Variants in PKP4 observed in about 807,000 individuals in gnomAD.
The protein encoded by PKP4 is plakophilin-4.
A neutral mutation model predicts 145.1 loss-of-function variants in PKP4; 90 were observed. That is an observed-to-expected ratio of 0.62 (90% CI 0.52 to 0.74). PKP4 has a LOEUF of 0.74. PKP4 is among the 30% of genes least tolerant of loss of function. The pLI, the probability that PKP4 is intolerant of heterozygous loss-of-function variation, is 0.00. For missense variants in PKP4, 1,340 were observed against 1,482.7 expected (o/e 0.90, Z 1.58); for synonymous variants, 563 against 577.2 (o/e 0.98, Z 0.35).
chr2:158,666,487 T>C lies in PKP4; in HGVS notation c.2652T>C (p.Asp884=). Residue 884 remains aspartate, a synonymous_variant, in exon 16 of 22, where the codon GAT becomes GAC. Transcript: ENST00000389759. ...TCCTTGTGGAGCTTCTGAGAATGGA[T>C]AACGATAGAGTTGTTTCTTCCGTGG... ...LPILVELLRM[D]NDRVVSSVAT... is the part of the protein sequence containing the mutation. The C allele has an allele frequency of 6.2e-7, 1 of 1,613,622 alleles. No homozygotes were observed. Among genetic ancestry groups the C allele is most frequent in the Non-Finnish European group, 8.5e-7 (1 of 1,179,796 alleles).
At position 158,561,991 on chromosome 2, in the gene PKP4, A is replaced by G. The variant is rs560308705; in HGVS notation, c.133-15280A>G. Among the ~76,000 whole-genome samples the G allele has an allele frequency of 5.1e-4, 68 of 134,380 alleles. 1 individual carries two copies. In the East Asian group the frequency reaches 0.013, roughly 25 times the overall value. 88.2% of individuals were successfully genotyped at this position (134,380 alleles called of 152,430 possible). On this transcript the variant is annotated intron_variant, in intron 2 of 21. Coordinates refer to ENST00000389759, the MANE Select transcript of PKP4 (RefSeq NM_003628.6). ...CCCCGCCCTGTGTCCAAGTGTTCTC[A>G]TAATCAAGTCAGTCGTTTAAATTAC... is the stretch of plus-strand genomic sequence containing the variant.
chr2:158,528,770 T>G (rs1044779074), intron 1 of PKP4, among the ~76,000 whole-genome samples: 4 of 148,472 alleles, frequency 2.7e-5, no homozygotes, highest in Admixed American at 6.7e-5. Flanking sequence ...CATGTAAGAG[T>G]TGGTCACAGG....
chr2:158,596,000 A>T (rs1262559720), intron 3 of PKP4, among the ~76,000 whole-genome samples: 1 of 148,986 alleles, frequency 6.7e-6, no homozygotes, highest in African/African-American at 2.5e-5. Context: ...TCATTGCCAA[A>T]AAATAAAATC....
chr2:158,480,849 A>G (rs6727267), intron 1 of PKP4, among the ~76,000 whole-genome samples: 9,983 of 151,866 alleles, frequency 0.066, 713 homozygotes, highest in African/African-American at 0.17. Flanking sequence ...TAAACCCCAT[A>G]CTCATTAAGC....
At chr2:158,545,408 A>C (rs1398819537) in intron 2 of PKP4, among the ~76,000 whole-genome samples, 1 of 152,198 alleles carries the variant, frequency 6.6e-6, no homozygotes. Context: ...CTGTTCTTTT[A>C]AGTCATAAAC....
At chr2:158,597,444 C>A (rs1441205121) in intron 3 of PKP4, among the ~76,000 whole-genome samples, 1 of 152,122 alleles carries the variant, frequency 6.6e-6, no homozygotes, top group African/African-American at 2.4e-5. Flanking sequence ...CTGCAGTCTG[C>A]TAGTAGAACA....
Position 158,597,184 on chromosome 2 carries a change from ATTTG to A in PKP4, c.246-5883_246-5880del, listed in dbSNP as rs2049830909. On this transcript the variant is annotated intron_variant, in intron 3 of 21. Coordinates refer to ENST00000389759, the MANE Select transcript of PKP4 (RefSeq NM_003628.6). ...GGTGCTCAATAAATGATCAACAGAT[ATTTG>A]TTGAATGAATCCATACGATATATGC... 2.6e-5 allele frequency among the ~76,000 whole-genome samples: 4 copies of A among 152,198 alleles called. No homozygotes were observed. In the South Asian group the frequency reaches 8.3e-4, roughly 31 times the overall value.
At chr2:158,522,019 T>C (rs1456047520) in intron 1 of PKP4, among the ~76,000 whole-genome samples, 1 of 152,210 alleles carries the variant, frequency 6.6e-6, no homozygotes, top group Non-Finnish European at 1.5e-5. Context: ...TTTGAAATTG[T>C]GTTTCTCATC....
chr2:158,620,055 A>G (rs1202757769), intron 4 of PKP4, among the ~76,000 whole-genome samples: 2 of 152,150 alleles, frequency 1.3e-5, no homozygotes, highest in Non-Finnish European at 2.9e-5. Context: ...AATCCTTAGG[A>G]TTGTATGTTA....
At chr2:158,661,168 A>C (rs367784884) in intron 12 of PKP4, 165 bp from the exon 13 acceptor site, 2 of 548,912 alleles carry the variant, frequency 3.6e-6, no homozygotes, top group Non-Finnish European at 3.3e-6. Context: ...GGAGCGGGCC[A>C]TCATTGTGAG....
At chr2:158,648,716 T>C (rs1435503695) in intron 11 of PKP4, among the ~76,000 whole-genome samples, 1 of 152,140 alleles carries the variant, frequency 6.6e-6, no homozygotes, top group Non-Finnish European at 1.5e-5. Context: ...TTATAAAACA[T>C]AGCTGGGTGC....
intron 19 of PKP4, among the ~76,000 whole-genome samples, chr2:158,676,395 T>C (rs2058011497): frequency 6.6e-6 from 1 of 152,200 alleles, no homozygotes; most frequent in African/African-American, 2.4e-5. Flanking sequence ...TTATTATCAC[T>C]CAGTTTCAAA....
chr2:158,676,445 T>C (rs2058018267), intron 19 of PKP4, among the ~76,000 whole-genome samples: 1 of 152,116 alleles, frequency 6.6e-6, no homozygotes, highest in Admixed American at 6.5e-5. Context: ...TGGGGAAAGC[T>C]GCATGATCTC....
At chr2:158,649,891 G>C (rs951921853) in intron 11 of PKP4, among the ~76,000 whole-genome samples, 1 of 152,226 alleles carries the variant, frequency 6.6e-6, no homozygotes, top group Non-Finnish European at 1.5e-5. Flanking sequence ...ATAGCTTGCA[G>C]CTGGAGGCAC....
intron 2 of PKP4, among the ~76,000 whole-genome samples, chr2:158,574,915 A>G (rs2047716662): frequency 6.6e-6 from 1 of 152,246 alleles, no homozygotes; most frequent in African/African-American, 2.4e-5. Flanking sequence ...ATGCATGTAT[A>G]GGCTTTCCTA....
chr2:158,549,280 ATAAAT>A (rs1559308467), intron 2 of PKP4: 2 of 152,700 alleles, frequency 1.3e-5, no homozygotes, highest in Non-Finnish European at 2.9e-5. Context: ...CCTTCCAAAA[ATAAAT>A]TAAGTTTTCA....
intron 1 of PKP4, among the ~76,000 whole-genome samples, chr2:158,512,717 A>G (rs1490957092): frequency 6.6e-6 from 1 of 152,228 alleles, no homozygotes; most frequent in Non-Finnish European, 1.5e-5. Flanking sequence ...TTGTCTGTGG[A>G]GAACAACCAC....
Position 158,505,430 on chromosome 2 carries a change from G to C in PKP4, c.-5-27750G>C, listed in dbSNP as rs538493591. 3.3e-5 allele frequency among the ~76,000 whole-genome samples: 5 copies of C among 149,418 alleles called. No homozygotes were observed. The Middle Eastern group carries it at 0.01, about 309-fold the overall frequency. On this transcript the variant is annotated intron_variant, in intron 1 of 21. Transcript: ENST00000389759. ...GAGCTCTTGGAGCTTAGGGGAAATC[G>C]GGAGATTGAACCCTAGTCATTTGTC...
intron 1 of PKP4, 115 bp from the exon 2 acceptor site, chr2:158,533,065 T>G: frequency 9.5e-7 from 1 of 1,053,684 alleles, no homozygotes; most frequent in Non-Finnish European, 1.3e-6. Flanking sequence ...CACAAGTTTT[T>G]GATCATGGTG....
Sources: gnomAD v4.1 joint callset for allele counts (sites outside exome capture counted in the v4.1 genomes callset) on GRCh38, gnomAD v4.1.1 for gene constraint, MANE v1.5 for transcripts, NCBI Gene and HGNC (gene_info 2026-07-23, HGNC 2026-07-21) for gene names.